The following XKRX variants were observed in gnomAD, a reference collection of about 807,000 sequenced individuals.
XKRX encodes XK-related protein 2.
A neutral mutation model predicts 22.4 loss-of-function variants in XKRX; 11 were observed. The observed-to-expected ratio is 0.49, with a 90% CI of 0.31 to 0.81. The LOEUF is 0.81. Ranked by LOEUF, XKRX falls within the 40% of genes least tolerant of loss-of-function variation. The pLI, the probability that XKRX is intolerant of heterozygous loss-of-function variation, is 0.05. For synonymous variants in XKRX, 114 were observed against 132.2 expected (o/e 0.86, Z 0.94); for missense variants, 320 against 336.5 (o/e 0.95, Z 0.38).
intron 1 of XKRX, among the ~76,000 whole-genome samples, chrX:100,927,669 A>T (rs1343135966): frequency 9.0e-6 from 1 of 111,499 alleles, no homozygotes; most frequent in African/African-American, 3.3e-5. Context: ...ATAAAATTAC[A>T]CACTCTGCAG....
At chrX:100,943,715 TTTCA>T in the XKRX span, among the ~76,000 whole-genome samples, 1 of 112,127 alleles carries the variant, frequency 8.9e-6, no homozygotes, top group Non-Finnish European at 1.9e-5. Flanking sequence ...ACAGTATGGT[TTTCA>T]TATATTTTGC....
chrX:100,934,879 T>C, the XKRX span, among the ~76,000 whole-genome samples: 1 of 111,786 alleles, frequency 8.9e-6, no homozygotes, highest in Non-Finnish European at 1.9e-5. Flanking sequence ...GACAACAATT[T>C]TTATCTGTCT....
At chrX:100,948,270 T>C in the XKRX span, among the ~76,000 whole-genome samples, 1 of 111,392 alleles carries the variant, frequency 9.0e-6, no homozygotes. Flanking sequence ...TACAGGTAAG[T>C]AACAAAATAG....
chrX:100,944,754 T>C, the XKRX span, among the ~76,000 whole-genome samples: 29 of 111,997 alleles, frequency 2.6e-4, no homozygotes, highest in Non-Finnish European at 5.5e-4. Context: ...TAATGGTGCA[T>C]CCTTGAACTC....
downstream of XKRX, chrX:100,910,846 G>A: frequency 1.3e-6 from 1 of 764,556 alleles, no homozygotes. Context: ...ATGGTCTGAA[G>A]GCTAAGCTTT....
Position 100,917,901 on chromosome X carries a change from A to G in XKRX, c.605-2818T>C, listed in dbSNP as rs1175031585. 5.4e-5 allele frequency among the ~76,000 whole-genome samples: 6 copies of G among 111,292 alleles called. 1 individual carries two copies. The highest frequency in any genetic ancestry group is 1.9e-4 in the Admixed American group (2 of 10,505). On this transcript the variant is annotated intron_variant, in intron 2 of 2. Coordinates refer to ENST00000372956, the MANE Select transcript of XKRX (RefSeq NM_212559.3). ...AGCAGAGTAGTTCAAAAATTTCCAA[A>G]CCCTGTTGCCTCACCCATGACATCC...
At chrX:100,893,914 A>G in the XKRX span, among the ~76,000 whole-genome samples, 1 of 112,234 alleles carries the variant, frequency 8.9e-6, no homozygotes, top group Non-Finnish European at 1.9e-5. Flanking sequence ...CCTCACCATT[A>G]CACATTTAAT....
At chrX:100,894,526 A>C in the XKRX span, among the ~76,000 whole-genome samples, 2 of 110,884 alleles carry the variant, frequency 1.8e-5, no homozygotes, top group East Asian at 5.6e-4. Flanking sequence ...TGCAGCCTCC[A>C]CTCCCGGGGC....
At chrX:100,890,532 C>T in the XKRX span, among the ~76,000 whole-genome samples, 1 of 110,540 alleles carries the variant, frequency 9.0e-6, no homozygotes, top group Admixed American at 9.7e-5. Context: ...CATAAAAAAT[C>T]CACATGAAAT....
intron 2 of XKRX, among the ~76,000 whole-genome samples, chrX:100,922,154 C>T (rs1279193281): frequency 1.8e-5 from 2 of 110,893 alleles, no homozygotes; most frequent in African/African-American, 3.3e-5. Context: ...TCTTTCTCTC[C>T]ACTGGCATTA....
intron 1 of XKRX, 72 bp from the exon 2 acceptor site, chrX:100,923,133 A>C (rs1023630589): frequency 4.4e-6 from 5 of 1,138,279 alleles, no homozygotes; most frequent in Non-Finnish European, 5.9e-6. Context: ...AGGGAAAAAA[A>C]TAACTTGGGG....
the XKRX span, among the ~76,000 whole-genome samples, chrX:100,945,112 C>A: frequency 9.2e-6 from 1 of 108,520 alleles, no homozygotes; most frequent in African/African-American, 3.4e-5. Flanking sequence ...AGTTCTTGCT[C>A]TGTCACCCAG....
chrX:100,958,854 C>T, the XKRX span, among the ~76,000 whole-genome samples: 2 of 111,740 alleles, frequency 1.8e-5, no homozygotes, highest in Non-Finnish European at 3.8e-5. Context: ...AGTATGTAAA[C>T]CCCTGAAAAT....
chrX:100,919,339 A>G (rs2085460551), intron 2 of XKRX, among the ~76,000 whole-genome samples: 1 of 112,118 alleles, frequency 8.9e-6, no homozygotes. Context: ...TAAAAGCAAT[A>G]AAGAATTTGA....
the XKRX span, among the ~76,000 whole-genome samples, chrX:100,903,195 C>T: frequency 1.8e-5 from 2 of 111,646 alleles, no homozygotes; most frequent in Non-Finnish European, 3.8e-5. Context: ...AACGTTTCAT[C>T]TCAGCACTGC....
the XKRX span, chrX:100,957,402 C>A: frequency 8.3e-7 from 1 of 1,205,311 alleles, no homozygotes; most frequent in South Asian, 1.8e-5. Flanking sequence ...GACCCCCGAG[C>A]AGTACCGCAT....
the XKRX span, among the ~76,000 whole-genome samples, chrX:100,947,593 A>C: frequency 8.9e-6 from 1 of 112,318 alleles, no homozygotes; most frequent in Non-Finnish European, 1.9e-5. Flanking sequence ...TCATTTGTAC[A>C]TGAAAGCTTT....
the XKRX span, among the ~76,000 whole-genome samples, chrX:100,896,371 A>T: frequency 8.9e-6 from 1 of 112,036 alleles, no homozygotes; most frequent in Non-Finnish European, 1.9e-5. Context: ...AGTTGTAAAA[A>T]GGAAAATAAT....
rs763487479 is a variant in XKRX, at chrX:100,914,131, T to C, written c.*207A>G. ...GGTATTTCTGACCCTTTCAACTATATAGTCGATACCCCCTGTTTCCAAACA... is the reference window on the plus strand; with the variant it reads ...GGTATTTCTGACCCTTTCAACTATACAGTCGATACCCCCTGTTTCCAAACA... On this transcript the variant is annotated 3_prime_UTR_variant, in exon 3 of 3. Coordinates refer to ENST00000372956, the MANE Select transcript of XKRX (RefSeq NM_212559.3). 6.5e-6 allele frequency: 3 copies of C among 464,749 alleles called. No homozygotes were observed. The highest frequency in any genetic ancestry group is 1.1e-5 in the Non-Finnish European group (3 of 270,578). The allele number at this position is 464,749 out of a possible 1,213,427, so 38.3% of individuals were successfully genotyped here. A position where few individuals can be genotyped will look rare whatever the true frequency, so the allele number is the denominator to read the frequency against.
Sources: allele counts gnomAD v4.1 joint callset (sites outside exome capture counted in the v4.1 genomes callset), GRCh38; gene constraint gnomAD v4.1.1; transcripts MANE v1.5; gene names NCBI Gene and HGNC (gene_info 2026-07-23, HGNC 2026-07-21).